FRMD3: variants seen among roughly 807,000 people sequenced by gnomAD.
FRMD3 encodes FERM domain containing 3, also known as FERM domain-containing protein 3.
In FRMD3, 33 loss-of-function variants were observed where a neutral mutation model predicts 70.2. That is an observed-to-expected ratio of 0.47 (90% CI 0.36 to 0.63). The LOEUF (loss-of-function observed/expected upper bound fraction) is 0.63. Ranked by LOEUF, FRMD3 falls within the 20% of genes least tolerant of loss-of-function variation. FRMD3 has a pLI of 0.00. For missense variants in FRMD3, 632 were observed against 711.4 expected, an observed-to-expected ratio of 0.89 and a Z score of 1.27; for synonymous variants, 279 against 255.9, an observed-to-expected ratio of 1.09 and a Z score of -0.86.
chr9:83,426,869 A>C (rs1826826182), intron 1 of FRMD3, among the ~76,000 whole-genome samples: 1 of 152,220 alleles, frequency 6.6e-6, no homozygotes, highest in Non-Finnish European at 1.5e-5. Flanking sequence ...CAGGTGGTCC[A>C]GACAAGCTTC....
intron 1 of FRMD3, among the ~76,000 whole-genome samples, chr9:83,438,216 G>A (rs892914692): frequency 1.3e-5 from 2 of 152,192 alleles, no homozygotes; most frequent in Admixed American, 1.3e-4. Context: ...GGGTAGTGAA[G>A]TGAATATAAC....
chr9:83,419,449 A>AGTGTGTGT (rs60945722), intron 1 of FRMD3, among the ~76,000 whole-genome samples: 17 of 148,512 alleles, frequency 1.1e-4, no homozygotes, highest in South Asian at 2.2e-4. Flanking sequence ...GCTGTGAGAG[A>AGTGTGTGT]GTGTGTGTGT....
chr9:83,366,966 G>A (rs1350802658), intron 3 of FRMD3, among the ~76,000 whole-genome samples: 1 of 152,102 alleles, frequency 6.6e-6, no homozygotes, highest in African/African-American at 2.4e-5. Context: ...TCAGGAGGCG[G>A]AGGTTGCAGT....
Position 83,446,083 on chromosome 9 carries a change from G to A in FRMD3, c.148-56375C>T, listed in dbSNP as rs116439719. On this transcript the variant is annotated intron_variant, in intron 1 of 13. Coordinates refer to ENST00000304195, the MANE Select transcript of FRMD3 (RefSeq NM_174938.6). Reference sequence around the variant, plus strand: ...TCCCAAGAGTACACAACTATTCAGTGGCAGAGGGAAGACAAAAACACAGAT... The same window carrying A: ...TCCCAAGAGTACACAACTATTCAGTAGCAGAGGGAAGACAAAAACACAGAT... Among the ~76,000 whole-genome samples, 447 of 152,284 alleles carry A rather than the reference G, an allele frequency of 2.9e-3. 1 individual carries two copies. The highest frequency in any genetic ancestry group is 0.01 in the African/African-American group (423 of 41,556).
chr9:83,318,949 T>A (rs370858406), intron 6 of FRMD3, among the ~76,000 whole-genome samples: 1 of 152,288 alleles, frequency 6.6e-6, no homozygotes, highest in Admixed American at 6.5e-5. Flanking sequence ...ATGTCTTCTT[T>A]TGAAAAATGG....
chr9:83,436,314 A>G (rs1366175253), intron 1 of FRMD3, among the ~76,000 whole-genome samples: 13 of 152,214 alleles, frequency 8.5e-5, no homozygotes, highest in Non-Finnish European at 2.9e-5. Context: ...AATTAAATAA[A>G]GTCATTGACA....
chr9:83,400,510 A>T (rs1002447924), intron 1 of FRMD3, among the ~76,000 whole-genome samples: 11 of 152,184 alleles, frequency 7.2e-5, no homozygotes, highest in Non-Finnish European at 1.5e-4. Flanking sequence ...CTCCATCAAA[A>T]TCCCAGTGGG....
intron 12 of FRMD3, among the ~76,000 whole-genome samples, chr9:83,296,884 C>T (rs1337440398): frequency 6.6e-6 from 1 of 152,150 alleles, no homozygotes; most frequent in South Asian, 2.1e-4. Context: ...GCCCATGGAC[C>T]AGCCGCGTGA....
intron 6 of FRMD3, chr9:83,331,843 T>C: frequency 1.4e-6 from 1 of 717,478 alleles, no homozygotes; most frequent in Non-Finnish European, 2.6e-6. Flanking sequence ...TGTTTCCAGC[T>C]CCTATTACCT....
chr9:83,264,766 T>C (rs1048219233), intron 13 of FRMD3, among the ~76,000 whole-genome samples: 6 of 151,382 alleles, frequency 4.0e-5, no homozygotes, highest in African/African-American at 1.5e-4. Context: ...AATGGAAAAT[T>C]TGTTTATGAA....
At chr9:83,261,124 C>A (rs1056835811) in intron 13 of FRMD3, among the ~76,000 whole-genome samples, 13 of 151,300 alleles carry the variant, frequency 8.6e-5, no homozygotes, top group African/African-American at 1.2e-4. Context: ...CACACACACA[C>A]ACACACACAC....
chr9:83,252,123 G>A (rs1422542373), intron 13 of FRMD3, among the ~76,000 whole-genome samples: 2 of 152,130 alleles, frequency 1.3e-5, no homozygotes, highest in African/African-American at 2.4e-5. Flanking sequence ...GGCAACCAGA[G>A]AGAAAGGCCA....
intron 13 of FRMD3, among the ~76,000 whole-genome samples, chr9:83,268,836 A>G (rs1833402305): frequency 6.6e-6 from 1 of 152,170 alleles, no homozygotes; most frequent in Admixed American, 6.5e-5. Context: ...CTACTCTCAC[A>G]GGAGTTAGTT....
chr9:83,544,232 G>C, the FRMD3 span, among the ~76,000 whole-genome samples: 1 of 152,190 alleles, frequency 6.6e-6, no homozygotes, highest in South Asian at 2.1e-4. Flanking sequence ...CATGAGCCCT[G>C]GGACAGAGGC....
chr9:83,314,156 T>A (rs1414437699), intron 6 of FRMD3, among the ~76,000 whole-genome samples: 2 of 152,148 alleles, frequency 1.3e-5, no homozygotes, highest in Non-Finnish European at 2.9e-5. Flanking sequence ...ACAATCCTGT[T>A]ACCCCATCAA....
chr9:83,288,981 TC>T (rs1834318790), intron 13 of FRMD3, among the ~76,000 whole-genome samples: 1 of 152,174 alleles, frequency 6.6e-6, no homozygotes. Flanking sequence ...TAAGCTTCCA[TC>T]TTTGCAGACA....
At chr9:83,281,571 G>C (rs1021165101) in intron 13 of FRMD3, 1 of 152,160 alleles carries the variant, frequency 6.6e-6, no homozygotes, top group Non-Finnish European at 1.5e-5. Flanking sequence ...GAATGATTTG[G>C]GAAGCTCTGC....
chr9:83,472,853 G>T (rs1341098580), intron 1 of FRMD3, among the ~76,000 whole-genome samples: 2 of 152,088 alleles, frequency 1.3e-5, no homozygotes, highest in East Asian at 1.9e-4. Flanking sequence ...TACCTCAAAT[G>T]CACATAATTT....
chr9:83,267,084 C>T, intron 13 of FRMD3: 1 of 1,550,826 alleles, frequency 6.4e-7, no homozygotes, highest in Non-Finnish European at 8.7e-7. Context: ...CAGTGGTTCA[C>T]CATGTGCAAT....
Sources: gnomAD v4.1 joint callset for allele counts (sites outside exome capture counted in the v4.1 genomes callset) on GRCh38, gnomAD v4.1.1 for gene constraint, MANE v1.5 for transcripts, NCBI Gene and HGNC (gene_info 2026-07-23, HGNC 2026-07-21) for gene names.